The following FREM3 variants were observed in gnomAD, a reference collection of about 807,000 sequenced individuals.
The protein encoded by FREM3 is FRAS1 related extracellular matrix 3.
FREM3 carries 105 observed loss-of-function variants against 129.1 expected under a neutral mutation model. That is an observed-to-expected ratio of 0.81 (90% confidence interval 0.69 to 0.96). The LOEUF is 0.96. FREM3 is among the 40% of genes least tolerant of loss of function. The pLI, the probability that FREM3 is intolerant of heterozygous loss-of-function variation, is 0.00. For synonymous variants in FREM3, 1,014 were observed against 1,044.9 expected (o/e 0.97, Z 0.57); for missense variants, 2,593 against 2,666.3 (o/e 0.97, Z 0.61).
intron 2 of FREM3, among the ~76,000 whole-genome samples, chr4:143,657,262 CT>C (rs1246972322): frequency 6.6e-6 from 1 of 152,206 alleles, no homozygotes; most frequent in Non-Finnish European, 1.5e-5. Context: ...AAAGCCTAAG[CT>C]TTCTTTTCTC....
chr4:143,638,333 G>A (rs1356205108), intron 2 of FREM3, among the ~76,000 whole-genome samples: 3 of 152,082 alleles, frequency 2.0e-5, no homozygotes, highest in Admixed American at 6.6e-5. Context: ...AATACACTGC[G>A]TGCCCACATG....
At chr4:143,590,220 A>G (rs1463853840) in intron 6 of FREM3, among the ~76,000 whole-genome samples, 4 of 151,984 alleles carry the variant, frequency 2.6e-5, no homozygotes, top group Non-Finnish European at 5.9e-5. Context: ...CTAATTGAAT[A>G]CCCTTTATTT....
chr4:143,610,453 G>T (rs1445004683), intron 6 of FREM3, among the ~76,000 whole-genome samples: 1 of 152,090 alleles, frequency 6.6e-6, no homozygotes, highest in Admixed American at 6.6e-5. Context: ...TCAGTTTAAT[G>T]TAAGCTTTGT....
intron 2 of FREM3, among the ~76,000 whole-genome samples, chr4:143,666,626 A>T (rs1739866768): frequency 6.6e-6 from 1 of 152,178 alleles, no homozygotes; most frequent in Admixed American, 6.6e-5. Context: ...TAAGCGAGAC[A>T]CAAATGGAAA....
Position 143,671,194 on chromosome 4 carries a change from T to C in FREM3, c.5275+21919A>G, listed in dbSNP as rs190729779. The stretch of plus-strand genomic sequence containing the variant: ...TGTTTCTTCTTTTATTCAACTAATA[T>C]GATTTGATCACCTATTATATGTCAG... On this transcript the variant is annotated intron_variant, in intron 2 of 7. Transcript: ENST00000329798. Among the ~76,000 whole-genome samples the C allele has an allele frequency of 2.5e-3, 381 of 152,306 alleles. 4 individuals are homozygous for C. The highest frequency in any genetic ancestry group is 4.5e-3 in the African/African-American group (187 of 41,590).
chr4:143,699,893 G>A lies in FREM3; in HGVS notation c.783C>T (p.Asn261=). Reference sequence around the variant, plus strand: ...CCACCATCATGGGCACGTAGTCACGGTTGGGCGAGGAGGTGGCTGTGTGCT... The same window carrying A: ...CCACCATCATGGGCACGTAGTCACGATTGGGCGAGGAGGTGGCTGTGTGCT... The part of the protein sequence containing the change: ...RYQHTATSSP[N]RDYVPMMVEL... Residue 261 remains asparagine, a synonymous_variant, in exon 1 of 8, where the codon AAC becomes AAT. Coordinates refer to ENST00000329798, the MANE Select transcript of FREM3 (RefSeq NM_001168235.2). The surrounding 1 kb of genome is among the most constrained non-coding windows in gnomAD (Gnocchi z 4.2). The A allele has an allele frequency of 1.3e-6, 2 of 1,536,724 alleles. No homozygotes were observed. Among genetic ancestry groups the A allele is most frequent in the African/African-American group, 2.7e-5 (2 of 73,188 alleles).
intron 2 of FREM3, among the ~76,000 whole-genome samples, chr4:143,660,508 C>T (rs1461286071): frequency 2.0e-5 from 3 of 152,124 alleles, no homozygotes; most frequent in South Asian, 2.1e-4. Context: ...AGTTTGAAGT[C>T]GAGTAGCGTG....
Position 143,680,788 on chromosome 4 carries a change from T to C in FREM3, c.5275+12325A>G, listed in dbSNP as rs17018071. Among the ~76,000 whole-genome samples, 905 of 152,242 alleles carry C rather than the reference T, an allele frequency of 5.9e-3. 14 individuals are homozygous for C. Among genetic ancestry groups the C allele is most frequent in the African/African-American group, 0.021 (869 of 41,564 alleles). Reference sequence around the variant, plus strand: ...CATATGTATTCTAAAGAGTTTAATGTTCTAAGTAAGTGTGATATTACTTTA... The same window carrying C: ...CATATGTATTCTAAAGAGTTTAATGCTCTAAGTAAGTGTGATATTACTTTA... On this transcript the variant is annotated intron_variant, in intron 2 of 7. Transcript: ENST00000329798.
chr4:143,606,206 T>C (rs1439475666), intron 6 of FREM3, among the ~76,000 whole-genome samples: 1 of 152,152 alleles, frequency 6.6e-6, no homozygotes, highest in Admixed American at 6.6e-5. Context: ...TCAAGGTGCA[T>C]TACAAAATCC....
intron 2 of FREM3, among the ~76,000 whole-genome samples, chr4:143,677,589 C>T (rs1293830864): frequency 1.3e-5 from 2 of 152,258 alleles, no homozygotes; most frequent in Admixed American, 6.5e-5. Flanking sequence ...AAGAAACTAC[C>T]GTCAGAGTGA....
At chr4:143,647,611 C>T (rs1211418043) in intron 2 of FREM3, among the ~76,000 whole-genome samples, 9 of 152,140 alleles carry the variant, frequency 5.9e-5, no homozygotes, top group East Asian at 1.9e-4. Context: ...CAACATACAG[C>T]GCAGGCCATT....
chr4:143,619,513 T>C (rs1413465684), intron 5 of FREM3, among the ~76,000 whole-genome samples: 3 of 152,080 alleles, frequency 2.0e-5, no homozygotes, highest in East Asian at 1.9e-4. Flanking sequence ...CGTGTGCCAT[T>C]GTGGTATTTG....
chr4:143,627,676 T>A lies in FREM3; in HGVS notation c.5360A>T (p.Asp1787Val). ...LEKEYYIVDEDSTFLEVTLTR... is the reference protein window; with the variant it reads ...LEKEYYIVDEVSTFLEVTLTR... Reference sequence around the variant, plus strand: ...AAGGGTCACTTCTAAGAATGTGGAATCTTCATCCACAATGTAGTACTCTTT... The same window carrying A: ...AAGGGTCACTTCTAAGAATGTGGAAACTTCATCCACAATGTAGTACTCTTT... Residue 1787 changes from aspartate (D) to valine (V), a missense_variant, in exon 3 of 8, where the codon GAT becomes GTT. Transcript: ENST00000329798. The A allele has an allele frequency of 2.0e-6, 3 of 1,530,624 alleles. No homozygotes were observed. Among genetic ancestry groups the A allele is most frequent in the Non-Finnish European group, 2.6e-6 (3 of 1,140,842 alleles). 94.8% of individuals were successfully genotyped at this position (1,530,624 alleles called of 1,614,324 possible).
chr4:143,688,449 C>G (rs1740405929), intron 2 of FREM3, among the ~76,000 whole-genome samples: 2 of 152,074 alleles, frequency 1.3e-5, no homozygotes, highest in African/African-American at 4.8e-5. Context: ...ACCATACTGC[C>G]AAAAGCAATC....
intron 6 of FREM3, among the ~76,000 whole-genome samples, chr4:143,606,704 A>T (rs898295701): frequency 6.6e-5 from 10 of 152,148 alleles, no homozygotes; most frequent in Admixed American, 1.3e-4. Context: ...CACTTAGTAC[A>T]TTTAGCTTCA....
intron 6 of FREM3, among the ~76,000 whole-genome samples, chr4:143,606,425 A>G (rs1356250984): frequency 6.6e-6 from 1 of 152,036 alleles, no homozygotes; most frequent in Non-Finnish European, 1.5e-5. Flanking sequence ...TAAACTAACA[A>G]TGGGGTTAAA....
chr4:143,582,545 A>C (rs1738166987), intron 7 of FREM3, among the ~76,000 whole-genome samples: 1 of 152,216 alleles, frequency 6.6e-6, no homozygotes, highest in Non-Finnish European at 1.5e-5. Context: ...CAGTTAAAGG[A>C]ATATCAGCCC....
rs529672248 is a variant in FREM3, at chr4:143,605,357, G to A, written c.6028+5922C>T. Among the ~76,000 whole-genome samples, 88 of 151,396 alleles carry A rather than the reference G, an allele frequency of 5.8e-4. No homozygotes were observed. The Middle Eastern group carries it at 0.01, about 18-fold the overall frequency. ...TATTAAGGCTTTTACTTGTTTTTAC[G>A]TACTCCTTCCTGTATAAATAACTAC... On this transcript the variant is annotated intron_variant, in intron 6 of 7. Transcript: ENST00000329798.
chr4:143,602,751 G>A (rs1015544527), intron 6 of FREM3, among the ~76,000 whole-genome samples: 4 of 152,290 alleles, frequency 2.6e-5, no homozygotes, highest in South Asian at 4.1e-4. Flanking sequence ...GGTTACATCT[G>A]CAGCACGGCC....
Sources: allele counts gnomAD v4.1 joint callset (sites outside exome capture counted in the v4.1 genomes callset), GRCh38; gene constraint gnomAD v4.1.1; non-coding constraint Gnocchi (gnomAD v3.1); transcripts MANE v1.5; gene names NCBI Gene and HGNC (gene_info 2026-07-23, HGNC 2026-07-21).